The following TAS1R2 variants were observed in gnomAD, a reference collection of about 807,000 sequenced individuals.
TAS1R2 encodes taste receptor type 1 member 2.
Under a neutral mutation model 49.3 loss-of-function variants are expected in TAS1R2, and 47 were observed. The ratio of observed to expected loss-of-function variants is 0.95; its 90% CI spans 0.75 to 1.22. The LOEUF (loss-of-function observed/expected upper bound fraction) is 1.22. Ranked by LOEUF, TAS1R2 falls within the 50% of genes most tolerant of loss-of-function variation. TAS1R2 has a pLI of 0.00. For synonymous variants in TAS1R2, 479 were observed against 467.9 expected (o/e 1.02, Z -0.31); for missense variants, 1,155 against 1,122.1 (o/e 1.03, Z -0.42).
At chr1:18,843,113 C>T (rs1237862925) in intron 4 of TAS1R2, among the ~76,000 whole-genome samples, 2 of 152,196 alleles carry the variant, frequency 1.3e-5, no homozygotes, top group Non-Finnish European at 2.9e-5. Context: ...CATTCACTAT[C>T]TTATCGTAGA....
At chr1:18,859,524 T>C (rs766085247) in exon 1 of TAS1R2, 7 of 1,614,060 alleles carry the variant, frequency 4.3e-6, no homozygotes, top group Admixed American at 3.3e-5. Flanking sequence ...AACAATGCCC[T>C]TCATGTTGGC....
chr1:18,850,539 C>T (rs1321796129), intron 3 of TAS1R2, among the ~76,000 whole-genome samples: 3 of 152,264 alleles, frequency 2.0e-5, no homozygotes, highest in Non-Finnish European at 4.4e-5. Flanking sequence ...GAGGCTCCAA[C>T]CAGGTGGTCG....
At chr1:18,852,633 G>T (rs1301318780) in intron 3 of TAS1R2, among the ~76,000 whole-genome samples, 2 of 152,094 alleles carry the variant, frequency 1.3e-5, no homozygotes, top group Admixed American at 6.5e-5. Context: ...AGACAAAGCC[G>T]CCTCTCCTTC....
In TAS1R2 at chr1:18,854,605, G is replaced by T; in HGVS notation, c.865C>A (p.Leu289Met). ...ACGGCGCCAGTGAAGTTCTGGCGCAGCACCTCATTGAAGAAGTGGTACAGG... is the reference window on the plus strand; with the variant it reads ...ACGGCGCCAGTGAAGTTCTGGCGCATCACCTCATTGAAGAAGTGGTACAGG... Residue 289 changes from leucine (L) to methionine (M), a missense_variant, in exon 3 of 6, where the codon CTG (leucine) becomes ATG (methionine). Coordinates refer to ENST00000375371, the Ensembl canonical transcript of TAS1R2. This position sits in a 1 kb window ranked among gnomAD's most constrained non-coding sequence, Gnocchi z 4.9. The T allele has an allele frequency of 6.2e-7, 1 of 1,614,052 alleles. No individual in the cohort carries two copies. Among genetic ancestry groups the T allele is most frequent in the Non-Finnish European group, 8.5e-7 (1 of 1,180,002 alleles).
Position 18,841,892 on chromosome 1 carries a change from C to T in TAS1R2, c.1468-40G>A, listed in dbSNP as rs199765519. The stretch of plus-strand genomic sequence containing the variant: ...GCAAGAGACCCTGAGTCCTCTTTTC[C>T]CACATTCTGGGGGCCCCCTCCCCTC... On this transcript the variant is annotated intron_variant, in intron 4 of 5. Coordinates refer to ENST00000375371, the Ensembl canonical transcript of TAS1R2. 8 of 1,525,200 alleles carry T rather than the reference C, an allele frequency of 5.2e-6. No homozygotes were observed. The African/African-American group carries it at 5.5e-5, about 10-fold the overall frequency. 94.5% of individuals were successfully genotyped at this position (1,525,200 alleles called of 1,614,324 possible). A position where few individuals can be genotyped will look rare whatever the true frequency, so the allele number is the denominator to read the frequency against.
exon 6 of TAS1R2, chr1:18,840,343 C>G (rs1168111201): frequency 6.2e-7 from 1 of 1,614,150 alleles, no homozygotes; most frequent in Non-Finnish European, 8.5e-7. Context: ...CTATGGGTGT[C>G]TGGAAGTGCC....
chr1:18,852,226 C>T (rs1007996446), intron 3 of TAS1R2, among the ~76,000 whole-genome samples: 1 of 152,124 alleles, frequency 6.6e-6, no homozygotes, highest in Non-Finnish European at 1.5e-5. Flanking sequence ...AAACAGAGTG[C>T]CGTGGTGTGA....
rs527928022 is a variant in TAS1R2, at chr1:18,851,761, T to C, written c.1258-2211A>G. On this transcript the variant is annotated intron_variant, in intron 3 of 5. Transcript: ENST00000375371. ...TACCCAGTGTCATCTCCAACTCTTC[T>C]CATCGCCCCTGAGTCCTGTCTCTCT... 2.0e-5 allele frequency among the ~76,000 whole-genome samples: 3 copies of C among 152,228 alleles called. No homozygotes were observed. In the South Asian group the frequency reaches 6.2e-4, roughly 32 times the overall value.
intron 4 of TAS1R2, among the ~76,000 whole-genome samples, chr1:18,846,114 G>T (rs1210478539): frequency 6.6e-6 from 1 of 152,178 alleles, no homozygotes; most frequent in Admixed American, 6.5e-5. Context: ...AGCCATTGCT[G>T]CAGTCACCAG....
chr1:18,859,371 A>G, intron 1 of TAS1R2, 108 bp downstream of exon 1: 5 of 1,311,302 alleles, frequency 3.8e-6, no homozygotes, highest in Admixed American at 1.9e-5. Flanking sequence ...AATGGGGAGG[A>G]GTGCTTTAAG....
At chr1:18,846,969 C>G (rs1468592190) in intron 4 of TAS1R2, among the ~76,000 whole-genome samples, 3 of 152,192 alleles carry the variant, frequency 2.0e-5, no homozygotes, top group Non-Finnish European at 2.9e-5. Flanking sequence ...GTGATATCTC[C>G]TCCTTCACTC....
At chr1:18,845,463 C>G (rs973002293) in intron 4 of TAS1R2, among the ~76,000 whole-genome samples, 1 of 152,192 alleles carries the variant, frequency 6.6e-6, no homozygotes, top group Non-Finnish European at 1.5e-5. Flanking sequence ...TCTCAGGAAC[C>G]CATTGCAGCA....
chr1:18,851,478 C>G (rs1015993940), intron 3 of TAS1R2, among the ~76,000 whole-genome samples: 10 of 152,126 alleles, frequency 6.6e-5, no homozygotes, highest in African/African-American at 1.2e-4. Flanking sequence ...TACAGACGCC[C>G]TCCACTATGC....
intron 3 of TAS1R2, among the ~76,000 whole-genome samples, chr1:18,853,689 G>A (rs1934072354): frequency 6.6e-6 from 1 of 152,130 alleles, no homozygotes; most frequent in Admixed American, 6.5e-5. Flanking sequence ...TATAAAGTGT[G>A]CGTCTCTAAT....
chr1:18,843,294 G>A (rs532448828), intron 4 of TAS1R2, among the ~76,000 whole-genome samples: 15 of 152,192 alleles, frequency 9.9e-5, no homozygotes, highest in Non-Finnish European at 2.1e-4. Flanking sequence ...GAATGCCAGA[G>A]GATTGGAGAT....
intron 1 of TAS1R2, among the ~76,000 whole-genome samples, chr1:18,858,855 G>C (rs1400658788): frequency 6.6e-6 from 1 of 152,174 alleles, no homozygotes; most frequent in Admixed American, 6.5e-5. Context: ...CTTTTGCACT[G>C]TTCTTCCTTT....
chr1:18,840,153 C>A, exon 6 of TAS1R2: 1 of 1,614,198 alleles, frequency 6.2e-7, no homozygotes, highest in Non-Finnish European at 8.5e-7. Flanking sequence ...AAGGCGCAGA[C>A]GATCTGGAAA....
At chr1:18,849,904 G>A (rs1933990880) in intron 3 of TAS1R2, among the ~76,000 whole-genome samples, 1 of 152,206 alleles carries the variant, frequency 6.6e-6, no homozygotes, top group African/African-American at 2.4e-5. Flanking sequence ...ACTTAGAGCA[G>A]AGCCTGAGAC....
At chr1:18,841,624 G>A in intron 5 of TAS1R2, 105 bp downstream of exon 5, 2 of 1,463,762 alleles carry the variant, frequency 1.4e-6, no homozygotes, top group African/African-American at 1.4e-5. Context: ...ACCCCCTGTG[G>A]GGTACTCCAG....
Sources: gnomAD v4.1 joint callset for allele counts (sites outside exome capture counted in the v4.1 genomes callset) on GRCh38, gnomAD v4.1.1 for gene constraint, Gnocchi (gnomAD v3.1) non-coding constraint, MANE v1.5 for transcripts, NCBI Gene and HGNC (gene_info 2026-07-23, HGNC 2026-07-21) for gene names.